The following POU2F1 variants were observed in gnomAD, a reference collection of about 807,000 sequenced individuals.
POU2F1 encodes the protein POU domain, class 2, transcription factor 1.
POU2F1 carries 16 observed loss-of-function variants against 84.9 expected under a neutral mutation model. The observed-to-expected ratio is 0.19, with a 90% CI of 0.13 to 0.29. The LOEUF is 0.29. POU2F1 is among the 10% of genes least tolerant of loss of function. POU2F1 has a pLI of 1.00. For missense variants in POU2F1, 738 were observed against 942.6 expected (o/e 0.78, Z 2.84); for synonymous variants, 368 against 368.3 (o/e 1.00, Z 0.01).
intron 1 of POU2F1, among the ~76,000 whole-genome samples, chr1:167,260,530 G>T (rs973505764): frequency 3.9e-5 from 6 of 152,020 alleles, no homozygotes; most frequent in African/African-American, 1.2e-4. Flanking sequence ...GTTGATTTTT[G>T]TGTATGGTAT....
At chr1:167,410,705 G>A (rs1257805409) in intron 13 of POU2F1, among the ~76,000 whole-genome samples, 1 of 151,482 alleles carries the variant, frequency 6.6e-6, no homozygotes, top group South Asian at 2.1e-4. Context: ...TAATAGAGAC[G>A]GGGTTTCACC....
At chr1:167,353,936 A>C (rs1473709372) in intron 2 of POU2F1, among the ~76,000 whole-genome samples, 1 of 152,188 alleles carries the variant, frequency 6.6e-6, no homozygotes, top group Non-Finnish European at 1.5e-5. Flanking sequence ...ATTGCTTTTC[A>C]CTCAAAATAT....
chr1:167,368,945 AC>A (rs1659849338), intron 3 of POU2F1, among the ~76,000 whole-genome samples: 1 of 152,078 alleles, frequency 6.6e-6, no homozygotes, highest in South Asian at 2.1e-4. Flanking sequence ...CCAGATTTGA[AC>A]CCTGGAATAA....
chr1:167,296,765 T>C (rs1654310639), intron 1 of POU2F1, among the ~76,000 whole-genome samples: 1 of 152,206 alleles, frequency 6.6e-6, no homozygotes, highest in African/African-American at 2.4e-5. Flanking sequence ...TCCATAGGTA[T>C]ATGTAAAAGT....
At position 167,220,955 on chromosome 1, in the gene POU2F1, G is replaced by A. The variant is rs763732049; in HGVS notation, c.58G>A (p.Ala20Thr). The A allele has an allele frequency of 5.9e-5, 91 of 1,535,130 alleles. No individual in the cohort carries two copies. The highest frequency in any genetic ancestry group is 1.2e-5 in the Non-Finnish European group (14 of 1,146,680). The change falls in exon 1 of 16, where the codon GCA becomes ACA. Residue 20 changes from alanine to threonine, a missense_variant. By Grantham distance (58) the Ala-to-Thr change is moderately conservative. Coordinates refer to ENST00000367866, the MANE Select transcript of POU2F1 (RefSeq NM_002697.4). ...DESSAAAAAAADSRMNNPSET... is the reference protein window; with the variant it reads ...DESSAAAAAATDSRMNNPSET... ...GAGTTCAGCCGCGGCGGCAGCAGCAGCAGGTAATCATTACAGCATTTTACA... is the reference window on the plus strand; with the variant it reads ...GAGTTCAGCCGCGGCGGCAGCAGCAACAGGTAATCATTACAGCATTTTACA...
intron 1 of POU2F1, among the ~76,000 whole-genome samples, chr1:167,254,181 C>T (rs1232359823): frequency 1.3e-5 from 2 of 152,112 alleles, no homozygotes; most frequent in Admixed American, 6.5e-5. Flanking sequence ...GCAAATGCCT[C>T]GGTTTCTTTT....
chr1:167,257,581 G>A (rs1156902322), intron 1 of POU2F1, among the ~76,000 whole-genome samples: 2 of 152,122 alleles, frequency 1.3e-5, no homozygotes, highest in East Asian at 3.8e-4. Flanking sequence ...ACTATTTGAG[G>A]CAAAAGGGTA....
intron 1 of POU2F1, among the ~76,000 whole-genome samples, chr1:167,248,647 A>T (rs541925317): frequency 6.6e-6 from 1 of 152,334 alleles, no homozygotes; most frequent in South Asian, 2.1e-4. Context: ...CCCAGAGCTG[A>T]GGGATAATAG....
intron 2 of POU2F1, among the ~76,000 whole-genome samples, chr1:167,346,746 G>A (rs1658229965): frequency 1.3e-5 from 2 of 152,166 alleles, no homozygotes; most frequent in South Asian, 4.1e-4. Context: ...GTTCCTAGCA[G>A]GCCACAGATT....
chr1:167,316,188 A>G (rs1254212847), intron 1 of POU2F1, among the ~76,000 whole-genome samples: 1 of 152,250 alleles, frequency 6.6e-6, no homozygotes, highest in Admixed American at 6.5e-5. Flanking sequence ...ATGTGACATT[A>G]AAATGACATA....
At chr1:167,254,418 G>A (rs1480175338) in intron 1 of POU2F1, among the ~76,000 whole-genome samples, 1 of 152,176 alleles carries the variant, frequency 6.6e-6, no homozygotes, top group Non-Finnish European at 1.5e-5. Flanking sequence ...CTGAAGGTGG[G>A]CAGAAAATAT....
chr1:167,238,806 T>G (rs1649686821), intron 1 of POU2F1, among the ~76,000 whole-genome samples: 1 of 152,234 alleles, frequency 6.6e-6, no homozygotes, highest in Admixed American at 6.5e-5. Context: ...AATACTGGGT[T>G]GCATTGGGTT....
chr1:167,295,680 G>A (rs940592366), intron 1 of POU2F1, among the ~76,000 whole-genome samples: 5 of 152,196 alleles, frequency 3.3e-5, no homozygotes, highest in Non-Finnish European at 5.9e-5. Flanking sequence ...CGTTATTTTT[G>A]TGGAGCCATG....
chr1:167,243,705 AC>A (rs1466674057), intron 1 of POU2F1, among the ~76,000 whole-genome samples: 3 of 152,032 alleles, frequency 2.0e-5, no homozygotes, highest in South Asian at 2.1e-4. Flanking sequence ...CGAACTCCCA[AC>A]CCCAGATGAT....
At chr1:167,358,737 T>TTTTTTTTTTTGG (rs71097670) in intron 2 of POU2F1, among the ~76,000 whole-genome samples, 3 of 88,774 alleles carry the variant, frequency 3.4e-5, no homozygotes, top group Non-Finnish European at 4.5e-5. Context: ...TTTTTTTTTT[T>TTTTTTTTTTTGG]GAGACAGGTT....
At chr1:167,255,939 A>G (rs1651098160) in intron 1 of POU2F1, among the ~76,000 whole-genome samples, 1 of 152,100 alleles carries the variant, frequency 6.6e-6, no homozygotes, top group Admixed American at 6.5e-5. Context: ...AGGTGTAGAG[A>G]ACATCTGTGT....
At chr1:167,398,719 G>A (rs1255566225) in intron 11 of POU2F1, among the ~76,000 whole-genome samples, 2 of 152,214 alleles carry the variant, frequency 1.3e-5, no homozygotes, top group African/African-American at 4.8e-5. Context: ...AAAGACTTGA[G>A]CACATTGGGA....
In POU2F1 at chr1:167,376,058, G is replaced by C. The variant is rs564082310; in HGVS notation, c.621G>C (p.Gln207His). The C allele has an allele frequency of 3.9e-5, 63 of 1,614,128 alleles. 1 individual carries two copies. The South Asian group carries it at 6.5e-4, about 17-fold the overall frequency. Residue 207 changes from glutamine to histidine, a missense_variant, in exon 7 of 16, where the codon CAG (glutamine) becomes CAC (histidine). Around this residue, in one of 4 missense-constraint regions of POU2F1, gnomAD observed 163 missense variants for 214.4 expected, o/e 0.76. Coordinates refer to ENST00000367866, the MANE Select transcript of POU2F1 (RefSeq NM_002697.4). ...QDLQQLQQLQ[Q>H]QNLNLQQFVL... is the part of the protein sequence containing the mutation. ...TTCAACAACTGCAACAGCTTCAACA[G>C]CAGAATCTCAACCTGCAACAGTTTG...
chr1:167,343,180 C>T lies in POU2F1; in HGVS notation c.127+10645C>T, dbSNP rs142547175. On this transcript the variant is annotated intron_variant, in intron 2 of 15. Coordinates refer to ENST00000367866, the MANE Select transcript of POU2F1 (RefSeq NM_002697.4). ...GGGTGGGGGTCAAGGGGGAGAAGGG[C>T]GCTATAATTACTGAAGCTGTGCGAA... Among the ~76,000 whole-genome samples the T allele has an allele frequency of 7.2e-4, 110 of 152,036 alleles. No homozygotes were observed. In the Middle Eastern group the frequency reaches 0.027, roughly 38 times the overall value.
Sources: gnomAD v4.1 joint callset for allele counts (sites outside exome capture counted in the v4.1 genomes callset) on GRCh38, gnomAD v4.1.1 for gene constraint, gnomAD v4.1.1 regional missense constraint, MANE v1.5 for transcripts, NCBI Gene and HGNC (gene_info 2026-07-23, HGNC 2026-07-21) for gene names.